The following PREX2 variants were observed in gnomAD, a reference collection of about 807,000 sequenced individuals.
PREX2 encodes phosphatidylinositol 3,4,5-trisphosphate-dependent Rac exchanger 2 protein.
In PREX2, 107 loss-of-function variants were observed where a neutral mutation model predicts 203.2. The observed-to-expected ratio is 0.53, with a 90% CI of 0.45 to 0.62. PREX2 has a LOEUF of 0.62. Among genes scored for constraint, PREX2 ranks in the 20% least tolerant of loss-of-function variants. The probability of loss-of-function intolerance (pLI) is 0.00; values close to 1 mark genes in which losing one functional copy is unlikely to be tolerated. For synonymous variants in PREX2, 672 were observed against 663.6 expected (o/e 1.01, Z -0.19); for missense variants, 1,777 against 1,955.9 (o/e 0.91, Z 1.72).
chr8:68,170,338 G>A (rs1437813097), intron 35 of PREX2, among the ~76,000 whole-genome samples: 2 of 152,326 alleles, frequency 1.3e-5, no homozygotes, highest in Middle Eastern at 3.4e-3. Context: ...TGTATTTCAT[G>A]CATCGATTAT....
chr8:68,015,523 C>A (rs1807386168), intron 1 of PREX2, among the ~76,000 whole-genome samples: 1 of 152,212 alleles, frequency 6.6e-6, no homozygotes, highest in Admixed American at 6.5e-5. Context: ...ATTGTTACTA[C>A]TTCCTCACTT....
intron 36 of PREX2, 72 bp downstream of exon 36, chr8:68,191,860 T>A: frequency 9.5e-7 from 1 of 1,057,608 alleles, no homozygotes. Context: ...TCTGCTGTTG[T>A]TCTGCAGAAA....
At chr8:68,094,102 G>T (rs1222956388) in intron 21 of PREX2, among the ~76,000 whole-genome samples, 1 of 152,174 alleles carries the variant, frequency 6.6e-6, no homozygotes, top group Non-Finnish European at 1.5e-5. Flanking sequence ...TCCTTGTTTG[G>T]AGTTTCAGTG....
chr8:68,114,738 C>T (rs1810606906), intron 25 of PREX2, among the ~76,000 whole-genome samples: 1 of 152,108 alleles, frequency 6.6e-6, no homozygotes, highest in African/African-American at 2.4e-5. Flanking sequence ...TTTACCCCAT[C>T]CTCACATTGT....
At chr8:67,988,739 G>A (rs1408885351) in intron 1 of PREX2, among the ~76,000 whole-genome samples, 1 of 152,178 alleles carries the variant, frequency 6.6e-6, no homozygotes, top group African/African-American at 2.4e-5. Flanking sequence ...TTGTGAGAAA[G>A]TTGGGAAGCT....
intron 1 of PREX2, among the ~76,000 whole-genome samples, chr8:68,006,553 A>T (rs1232126920): frequency 6.6e-6 from 1 of 152,144 alleles, no homozygotes; most frequent in Non-Finnish European, 1.5e-5. Context: ...ATCTCCCTAG[A>T]GTGAATCCTG....
At chr8:68,061,166 C>T (rs1020944210) in intron 11 of PREX2, among the ~76,000 whole-genome samples, 4 of 152,254 alleles carry the variant, frequency 2.6e-5, no homozygotes, top group Admixed American at 6.5e-5. Flanking sequence ...GCATTCCACC[C>T]GGAGGAAATA....
intron 14 of PREX2, among the ~76,000 whole-genome samples, chr8:68,075,878 A>G (rs1336989505): frequency 6.6e-6 from 1 of 152,144 alleles, no homozygotes; most frequent in Non-Finnish European, 1.5e-5. Context: ...GCTCCTTTAT[A>G]GACAGGTAGA....
intron 13 of PREX2, among the ~76,000 whole-genome samples, chr8:68,070,926 A>C (rs1183971665): frequency 6.6e-6 from 1 of 152,146 alleles, no homozygotes; most frequent in Non-Finnish European, 1.5e-5. Flanking sequence ...AAAGTGGAAA[A>C]AGATGAAAAA....
chr8:68,027,343 A>G lies in PREX2; in HGVS notation c.543+20A>G, dbSNP rs776976805. 1.5e-6 allele frequency: 2 copies of G among 1,378,276 alleles called. No homozygotes were observed. The highest frequency in any genetic ancestry group is 1.2e-5 in the South Asian group (1 of 85,420). 85.4% of individuals were successfully genotyped at this position (1,378,276 alleles called of 1,614,324 possible). A position where few individuals can be genotyped will look rare whatever the true frequency, so the allele number is the denominator to read the frequency against. On this transcript the variant is annotated intron_variant, in intron 5 of 39. Transcript: ENST00000288368. ...TTGAAGGTATTTTATGTGCTACCTC[A>G]TTGTAGCCATTTTCTTGTATCTACA... is the stretch of plus-strand genomic sequence containing the variant.
intron 6 of PREX2, among the ~76,000 whole-genome samples, chr8:68,035,597 A>G (rs1808004393): frequency 6.6e-6 from 1 of 152,190 alleles, no homozygotes; most frequent in Non-Finnish European, 1.5e-5. Context: ...AGTTTAAAAG[A>G]TAAATGCAGT....
intron 2 of PREX2, among the ~76,000 whole-genome samples, chr8:68,019,231 A>G (rs957276587): frequency 2.0e-5 from 3 of 152,186 alleles, no homozygotes; most frequent in African/African-American, 7.2e-5. Flanking sequence ...CCTTCTTAGG[A>G]GCATAGATGC....
chr8:68,145,571 T>A (rs1400693922), intron 33 of PREX2, among the ~76,000 whole-genome samples: 1 of 152,204 alleles, frequency 6.6e-6, no homozygotes, highest in Non-Finnish European at 1.5e-5. Context: ...TTGTCATGGA[T>A]AAGTATCATC....
intron 35 of PREX2, among the ~76,000 whole-genome samples, chr8:68,191,160 T>C (rs1812285328): frequency 6.6e-6 from 1 of 152,194 alleles, no homozygotes; most frequent in Non-Finnish European, 1.5e-5. Context: ...AAAAGAGCCA[T>C]TGAACCCTTA....
intron 37 of PREX2, among the ~76,000 whole-genome samples, chr8:68,197,406 C>T (rs549881616): frequency 1.3e-5 from 2 of 152,204 alleles, no homozygotes; most frequent in South Asian, 4.2e-4. Flanking sequence ...TTCTGCTTCC[C>T]TATGCAAAAG....
At chr8:68,013,417 T>C (rs1357494223) in intron 1 of PREX2, among the ~76,000 whole-genome samples, 1 of 152,158 alleles carries the variant, frequency 6.6e-6, no homozygotes, top group African/African-American at 2.4e-5. Flanking sequence ...CTGCTCATGA[T>C]TTCCACACTG....
chr8:68,064,408 G>A (rs1808954725), intron 11 of PREX2, among the ~76,000 whole-genome samples: 1 of 152,074 alleles, frequency 6.6e-6, no homozygotes, highest in East Asian at 1.9e-4. Context: ...TGTTGCCCGG[G>A]CTAGAGTACC....
At position 68,053,237 on chromosome 8, in the gene PREX2, C is replaced by T. The variant is rs200682883; in HGVS notation, c.1084C>T (p.Arg362Trp). Residue 362 changes from arginine (R) to tryptophan (W), a missense_variant, in exon 9 of 40, where the codon CGG (arginine) becomes TGG (tryptophan). Coordinates refer to ENST00000288368, the MANE Select transcript of PREX2 (RefSeq NM_024870.4). ...TGAAGCTATTTTGAAAGAAAGAGAA[C>T]GGCGGAAAGGTGGGTGTATGAATTG... ...WFEAILKERE[R>W]RKGLKLGMEQ... The T allele has an allele frequency of 6.0e-5, 96 of 1,613,332 alleles. No individual in the cohort carries two copies. In the Middle Eastern group the frequency reaches 8.3e-4, roughly 14 times the overall value.
At position 68,234,506 on chromosome 8, in the gene PREX2, ATTCC is replaced by A. The variant is rs1246909401; in HGVS notation, c.*3129_*3132del. On this transcript the variant is annotated 3_prime_UTR_variant, in exon 40 of 40. Coordinates refer to ENST00000288368, the MANE Select transcript of PREX2 (RefSeq NM_024870.4). The stretch of plus-strand genomic sequence containing the variant: ...TCTCCTATAATTTTTTCTAATATTA[ATTCC>A]AAATATTACAAAATTTAATGTGATA... 1.3e-5 allele frequency: 2 copies of A among 152,196 alleles called. No individual in the cohort carries two copies. Among genetic ancestry groups the A allele is most frequent in the Non-Finnish European group, 2.9e-5 (2 of 68,030 alleles). 9.4% of individuals were successfully genotyped at this position (152,196 alleles called of 1,614,324 possible).
Sources: gnomAD v4.1 joint callset for allele counts (sites outside exome capture counted in the v4.1 genomes callset) on GRCh38, gnomAD v4.1.1 for gene constraint, MANE v1.5 for transcripts, NCBI Gene and HGNC (gene_info 2026-07-23, HGNC 2026-07-21) for gene names.